Variants in PDE4D observed in about 807,000 individuals in gnomAD.
PDE4D encodes the protein 3',5'-cyclic-AMP phosphodiesterase 4D.
PDE4D carries 24 observed loss-of-function variants against 87.4 expected under a neutral mutation model. The observed-to-expected ratio is 0.27, with a 90% CI of 0.20 to 0.39. PDE4D has a LOEUF of 0.39. PDE4D is among the 10% of genes least tolerant of loss of function. The pLI, the probability that PDE4D is intolerant of heterozygous loss-of-function variation, is 1.00. For missense variants in PDE4D, 714 were observed against 1,041.0 expected (o/e 0.69, Z 4.32); for synonymous variants, 384 against 383.2 (o/e 1.00, Z -0.02).
At chr5:59,099,448 G>A (rs973011913) in intron 5 of PDE4D, among the ~76,000 whole-genome samples, 1 of 152,200 alleles carries the variant, frequency 6.6e-6, no homozygotes, top group African/African-American at 2.4e-5. Context: ...CTCATATGCT[G>A]TAACATCCAC....
chr5:59,892,429 G>T (rs927013646), intron 1 of PDE4D, among the ~76,000 whole-genome samples: 1 of 151,824 alleles, frequency 6.6e-6, no homozygotes, highest in Non-Finnish European at 1.5e-5. Flanking sequence ...ATACACACAC[G>T]GTCTCCCTAC....
intron 1 of PDE4D, among the ~76,000 whole-genome samples, chr5:59,581,003 G>T (rs1213842492): frequency 6.6e-6 from 1 of 152,050 alleles, no homozygotes; most frequent in South Asian, 2.1e-4. Context: ...ATCCCTAGTT[G>T]TAATATATTG....
intron 1 of PDE4D, among the ~76,000 whole-genome samples, chr5:59,692,038 T>A (rs1751037389): frequency 6.6e-6 from 1 of 152,102 alleles, no homozygotes; most frequent in South Asian, 2.1e-4. Flanking sequence ...AAATATATGA[T>A]AGGAAGAATT....
intron 1 of PDE4D, among the ~76,000 whole-genome samples, chr5:59,811,232 T>A (rs2152678865): frequency 6.6e-6 from 1 of 152,282 alleles, no homozygotes; most frequent in East Asian, 1.9e-4. Context: ...AAAAGAAACA[T>A]GATTTTCCCT....
intron 1 of PDE4D, among the ~76,000 whole-genome samples, chr5:59,354,552 T>C (rs906712129): frequency 6.6e-6 from 1 of 152,186 alleles, no homozygotes; most frequent in Admixed American, 6.5e-5. Flanking sequence ...TTTGAGGTAT[T>C]ATGGTATGAT....
chr5:59,489,131 A>G (rs887152308), intron 1 of PDE4D, among the ~76,000 whole-genome samples: 2 of 152,050 alleles, frequency 1.3e-5, no homozygotes, highest in East Asian at 1.9e-4. Flanking sequence ...CTAAAAATAC[A>G]AAAATTAGCT....
intron 5 of PDE4D, among the ~76,000 whole-genome samples, chr5:59,054,080 A>G (rs1222785945): frequency 1.3e-5 from 2 of 152,158 alleles, no homozygotes; most frequent in African/African-American, 4.8e-5. Context: ...TTCAATTGGC[A>G]TATTTTGTTT....
chr5:59,228,537 A>G (rs960599664), intron 1 of PDE4D, among the ~76,000 whole-genome samples: 1 of 152,002 alleles, frequency 6.6e-6, no homozygotes, highest in Non-Finnish European at 1.5e-5. Context: ...AGCAAGTAAA[A>G]TTGATTTAAT....
At chr5:58,978,552 C>T (rs191301158) in intron 11 of PDE4D, among the ~76,000 whole-genome samples, 105 of 151,906 alleles carry the variant, frequency 6.9e-4, no homozygotes, top group African/African-American at 2.3e-3. Flanking sequence ...GAAAGAAATA[C>T]CCAATACTAT....
chr5:59,038,352 T>C (rs903348024), intron 6 of PDE4D, among the ~76,000 whole-genome samples: 1 of 152,220 alleles, frequency 6.6e-6, no homozygotes, highest in Non-Finnish European at 1.5e-5. Flanking sequence ...ACTCTGTTAA[T>C]GTTTCCTGCG....
intron 2 of PDE4D, among the ~76,000 whole-genome samples, chr5:59,996,006 C>G (rs1158452945): frequency 6.6e-6 from 1 of 152,170 alleles, no homozygotes; most frequent in Non-Finnish European, 1.5e-5. Context: ...TATTATAAGT[C>G]AGGCATAAAG....
At chr5:59,010,745 A>T (rs111567606) in intron 6 of PDE4D, among the ~76,000 whole-genome samples, 1 of 152,128 alleles carries the variant, frequency 6.6e-6, no homozygotes, top group Non-Finnish European at 1.5e-5. Flanking sequence ...TGAGTGATGC[A>T]GAAGACGGGT....
chr5:59,649,896 T>C (rs1743084838), intron 1 of PDE4D, among the ~76,000 whole-genome samples: 1 of 137,474 alleles, frequency 7.3e-6, no homozygotes, highest in Admixed American at 7.6e-5. Flanking sequence ...ATGTTGATAG[T>C]TTGTGAACCT....
At chr5:59,825,814 C>T (rs1770254161) in intron 1 of PDE4D, among the ~76,000 whole-genome samples, 1 of 152,198 alleles carries the variant, frequency 6.6e-6, no homozygotes, top group African/African-American at 2.4e-5. Context: ...TTATTCCCCT[C>T]ATCTTGGTCC....
intron 1 of PDE4D, among the ~76,000 whole-genome samples, chr5:59,356,106 C>A (rs919537329): frequency 6.6e-6 from 1 of 152,064 alleles, no homozygotes; most frequent in African/African-American, 2.4e-5. Flanking sequence ...TTATTAACAC[C>A]TAGAATACTC....
intron 1 of PDE4D, among the ~76,000 whole-genome samples, chr5:60,405,589 A>G (rs1398750340): frequency 6.6e-6 from 1 of 152,248 alleles, no homozygotes; most frequent in Non-Finnish European, 1.5e-5. Flanking sequence ...AAAATTTAAC[A>G]AAAGACAGCA....
chr5:59,169,173 G>A (rs1256682583), intron 5 of PDE4D, among the ~76,000 whole-genome samples: 1 of 152,144 alleles, frequency 6.6e-6, no homozygotes, highest in South Asian at 2.1e-4. Flanking sequence ...TTTGGGAAAT[G>A]AGCCTCAAAG....
At chr5:60,112,705 C>T (rs1423989295) in intron 2 of PDE4D, among the ~76,000 whole-genome samples, 1 of 152,052 alleles carries the variant, frequency 6.6e-6, no homozygotes, top group East Asian at 1.9e-4. Flanking sequence ...CAAGGTCACT[C>T]TCTCAGGAGG....
At chr5:59,772,166 G>C (rs538714001) in intron 1 of PDE4D, among the ~76,000 whole-genome samples, 1 of 152,196 alleles carries the variant, frequency 6.6e-6, no homozygotes, top group Non-Finnish European at 1.5e-5. Flanking sequence ...AGATTCTGAA[G>C]ATAACCAAAG....
Sources: gnomAD v4.1 joint callset for allele counts (sites outside exome capture counted in the v4.1 genomes callset) on GRCh38, gnomAD v4.1.1 for gene constraint, MANE v1.5 for transcripts, NCBI Gene and HGNC (gene_info 2026-07-23, HGNC 2026-07-21) for gene names.